KLHL28: variants seen among roughly 807,000 people sequenced by gnomAD.
The protein encoded by KLHL28 is kelch like family member 28.
Under a neutral mutation model 48.3 loss-of-function variants are expected in KLHL28, and 22 were observed. The observed-to-expected ratio is 0.46, with a 90% CI of 0.33 to 0.65. KLHL28 has a LOEUF of 0.65. Among genes scored for constraint, KLHL28 ranks in the 30% least tolerant of loss-of-function variants. KLHL28 has a pLI of 0.03. For synonymous variants in KLHL28, 243 were observed against 242.4 expected (o/e 1.00, Z -0.02); for missense variants, 527 against 704.3 (o/e 0.75, Z 2.85).
At chr14:44,946,551 C>CTTT (rs397853423) in intron 1 of KLHL28, among the ~76,000 whole-genome samples, 4 of 122,518 alleles carry the variant, frequency 3.3e-5, no homozygotes, top group Non-Finnish European at 6.8e-5. Flanking sequence ...CCACTCAACT[C>CTTT]TTTTTTTTTT....
At chr14:44,948,275 G>A (rs909375963) in intron 1 of KLHL28, among the ~76,000 whole-genome samples, 1 of 152,010 alleles carries the variant, frequency 6.6e-6, no homozygotes, top group African/African-American at 2.4e-5. Context: ...GGTTTTTGAG[G>A]ATCAAATCAG....
rs751698150 is a variant in KLHL28 at position 44,945,480 on chromosome 14, C to T, written c.449G>A (p.Arg150His). 13 of 1,614,036 alleles carry T rather than the reference C, an allele frequency of 8.1e-6. No individual in the cohort carries two copies. Among genetic ancestry groups the T allele is most frequent in the Admixed American group, 1.7e-5 (1 of 59,996 alleles). Residue 150 changes from arginine to histidine, a missense_variant, in exon 2 of 5, where the codon CGT becomes CAT. Transcript: ENST00000396128. ...ISRFAETYGC[R>H]DLYLAATKYI... is the part of the protein sequence containing the mutation. Reference sequence around the variant, plus strand: ...TTTAGTGGCTGCCAAATAAAGGTCACGGCAACCATATGTTTCTGCAAAACG... The same window carrying T: ...TTTAGTGGCTGCCAAATAAAGGTCATGGCAACCATATGTTTCTGCAAAACG...
intron 2 of KLHL28, among the ~76,000 whole-genome samples, chr14:44,939,306 T>C (rs975675019): frequency 6.6e-6 from 1 of 152,184 alleles, no homozygotes; most frequent in Non-Finnish European, 1.5e-5. Context: ...GATCTTAAAA[T>C]GCCTTCAGGG....
In KLHL28 at chr14:44,924,929, C is replaced by T. The variant is rs1290081324; in HGVS notation, c.*4099G>A. 1 of 152,482 alleles carries T rather than the reference C, an allele frequency of 6.6e-6. No individual in the cohort carries two copies. Among genetic ancestry groups the T allele is most frequent in the African/African-American group, 2.4e-5 (1 of 41,416 alleles). The allele number at this position is 152,482 out of a possible 1,614,324, so 9.4% of individuals were successfully genotyped here. On this transcript the variant is annotated 3_prime_UTR_variant, in exon 5 of 5. Coordinates refer to ENST00000396128, the MANE Select transcript of KLHL28 (RefSeq NM_017658.5). ...CACACCAGTAGGAAAATTTGTAAAC[C>T]TATTGTATTAAAAATGTATTGTATT...
rs1353610206 is a variant in KLHL28, at chr14:44,924,328, T to A, written c.*4700A>T. The A allele has an allele frequency of 9.9e-5, 15 of 152,214 alleles. No individual in the cohort carries two copies. The highest frequency in any genetic ancestry group is 8.5e-4 in the Admixed American group (13 of 15,272). The allele number at this position is 152,214 out of a possible 1,614,324, so 9.4% of individuals were successfully genotyped here. A position where few individuals can be genotyped will look rare whatever the true frequency, so the allele number is the denominator to read the frequency against. ...TATCATATGACATATACAAAGTAGA[T>A]TTTTCATTTTTATTTTAAACATTTT... On this transcript the variant is annotated 3_prime_UTR_variant, in exon 5 of 5. Coordinates refer to ENST00000396128, the MANE Select transcript of KLHL28 (RefSeq NM_017658.5).
intron 1 of KLHL28, among the ~76,000 whole-genome samples, chr14:44,954,605 TA>T (rs1884720254): frequency 6.6e-6 from 1 of 152,114 alleles, no homozygotes; most frequent in Non-Finnish European, 1.5e-5. Flanking sequence ...TTATCTACGA[TA>T]GGGAAGATTA....
At chr14:44,937,368 C>T (rs1343093098) in intron 2 of KLHL28, among the ~76,000 whole-genome samples, 7 of 151,912 alleles carry the variant, frequency 4.6e-5, no homozygotes, top group Non-Finnish European at 8.8e-5. Context: ...AGGCTGGTCT[C>T]GAACTCCTGA....
intron 4 of KLHL28, among the ~76,000 whole-genome samples, chr14:44,930,405 C>T (rs1179934060): frequency 6.6e-6 from 1 of 152,104 alleles, no homozygotes; most frequent in Non-Finnish European, 1.5e-5. Context: ...GCTGACACTA[C>T]AGGCATGTGC....
At position 44,926,803 on chromosome 14, in the gene KLHL28, C is replaced by T. The variant is rs1198836103; in HGVS notation, c.*2225G>A. The T allele has an allele frequency of 6.6e-6, 1 of 152,100 alleles. No homozygotes were observed. Among genetic ancestry groups the T allele is most frequent in the Non-Finnish European group, 1.5e-5 (1 of 68,020 alleles). The allele number at this position is 152,100 out of a possible 1,614,324, so 9.4% of individuals were successfully genotyped here. A position where few individuals can be genotyped will look rare whatever the true frequency, so the allele number is the denominator to read the frequency against. On this transcript the variant is annotated 3_prime_UTR_variant, in exon 5 of 5. Transcript: ENST00000396128. ...GATTACAGGCGTGAGCCACTGCGCC[C>T]GTCCTAAAATCATTTTCCACAGTCT...
At chr14:44,939,044 A>G (rs1281249397) in intron 2 of KLHL28, among the ~76,000 whole-genome samples, 2 of 152,182 alleles carry the variant, frequency 1.3e-5, no homozygotes, top group Non-Finnish European at 2.9e-5. Flanking sequence ...TAACTCTTGT[A>G]GTCTGCAAGC....
In KLHL28 at chr14:44,945,050, T is replaced by C; in HGVS notation, c.879A>G (p.Gly293=). The part of the protein sequence containing the change: ...KVLCAVGGKS[G]LFACLDSVEM... ...TTTACCTATCCAAACAGGCAAAGAG[T>C]CCAGATTTCCCTCCTACTGCACAAA... Residue 293 remains glycine (G), a synonymous_variant, in exon 2 of 5, where the codon GGA becomes GGG. Coordinates refer to ENST00000396128, the MANE Select transcript of KLHL28 (RefSeq NM_017658.5). 3.7e-6 allele frequency: 6 copies of C among 1,604,756 alleles called. No individual in the cohort carries two copies. The highest frequency in any genetic ancestry group is 5.1e-6 in the Non-Finnish European group (6 of 1,172,478).
chr14:44,959,959 A>G (rs1452990289), intron 1 of KLHL28, among the ~76,000 whole-genome samples: 2 of 152,192 alleles, frequency 1.3e-5, no homozygotes, highest in African/African-American at 2.4e-5. Context: ...TACACACTCA[A>G]TGAATGAGAT....
chr14:44,931,971 C>T (rs551961626), intron 3 of KLHL28, among the ~76,000 whole-genome samples: 5 of 151,238 alleles, frequency 3.3e-5, no homozygotes, highest in South Asian at 2.1e-4. Flanking sequence ...TGAGTATGCA[C>T]GTGACTTTGA....
At chr14:44,941,423 G>C (rs76726428) in intron 2 of KLHL28, among the ~76,000 whole-genome samples, 15,433 of 151,762 alleles carry the variant, frequency 0.1, 1,099 homozygotes, top group African/African-American at 0.2. Context: ...CCTGAGGTCA[G>C]GAGTTCGAGA....
intron 1 of KLHL28, among the ~76,000 whole-genome samples, chr14:44,956,280 T>A (rs1181230147): frequency 2.6e-5 from 4 of 152,172 alleles, no homozygotes; most frequent in Non-Finnish European, 5.9e-5. Flanking sequence ...TTTTTAAAAG[T>A]ATCCCTGTTA....
intron 1 of KLHL28, among the ~76,000 whole-genome samples, chr14:44,947,961 T>C (rs1230743795): frequency 1.3e-5 from 2 of 152,168 alleles, no homozygotes; most frequent in East Asian, 3.8e-4. Context: ...ACATAATATA[T>C]ACTAGTAAGT....
At position 44,945,167 on chromosome 14, in the gene KLHL28, C is replaced by G. The variant is rs1433751207; in HGVS notation, c.762G>C (p.Leu254Phe). 1 of 1,614,108 alleles carries G rather than the reference C, an allele frequency of 6.2e-7. No individual in the cohort carries two copies. Among genetic ancestry groups the G allele is most frequent in the Non-Finnish European group, 8.5e-7 (1 of 1,180,010 alleles). Reference sequence around the variant, plus strand: ...TAAAGTGGTACTTTAGGGCTTCATTCAAAAGATGTTTACAAGTGCGATCAT... The same window carrying G: ...TAAAGTGGTACTTTAGGGCTTCATTGAAAAGATGTTTACAAGTGCGATCAT... ...IRDDRTCKHL[L>F]NEALKYHFMP... Residue 254 changes from leucine (L) to phenylalanine (F), a missense_variant, in exon 2 of 5, where the codon TTG becomes TTC. By Grantham distance (22) the Leu-to-Phe change is conservative (BLOSUM62 0). Transcript: ENST00000396128.
At chr14:44,936,330 G>T (rs966245566) in intron 2 of KLHL28, among the ~76,000 whole-genome samples, 1 of 152,072 alleles carries the variant, frequency 6.6e-6, no homozygotes, top group African/African-American at 2.4e-5. Flanking sequence ...TAGTACAGAG[G>T]GAGAAGATGA....
At chr14:44,933,527 T>C (rs1883675187) in intron 3 of KLHL28, among the ~76,000 whole-genome samples, 1 of 152,104 alleles carries the variant, frequency 6.6e-6, no homozygotes, top group African/African-American at 2.4e-5. Flanking sequence ...AGAATTACGA[T>C]TAATTTCTCA....
Sources: allele counts gnomAD v4.1 joint callset (sites outside exome capture counted in the v4.1 genomes callset), GRCh38; gene constraint gnomAD v4.1.1; transcripts MANE v1.5; gene names NCBI Gene and HGNC (gene_info 2026-07-23, HGNC 2026-07-21).